Variants in EPHX4 observed in about 807,000 individuals in gnomAD.
The protein encoded by EPHX4 is abhydrolase domain containing 7.
Under a neutral mutation model 44.9 loss-of-function variants are expected in EPHX4, and 31 were observed. The ratio of observed to expected loss-of-function variants is 0.69; its 90% CI spans 0.52 to 0.93. EPHX4 has a LOEUF of 0.93. Among genes scored for constraint, EPHX4 ranks in the 40% least tolerant of loss-of-function variants. The probability of loss-of-function intolerance (pLI) is 0.00; values close to 1 mark genes in which losing one functional copy is unlikely to be tolerated. For missense variants in EPHX4, 373 were observed against 438.1 expected (o/e 0.85, Z 1.33); for synonymous variants, 151 against 159.7 (o/e 0.95, Z 0.41).
chr1:92,032,103 G>A (rs1192675401), intron 1 of EPHX4, among the ~76,000 whole-genome samples: 1 of 152,188 alleles, frequency 6.6e-6, no homozygotes, highest in Non-Finnish European at 1.5e-5. Flanking sequence ...ATGTCCTGCA[G>A]CATTTGAGGG....
At position 92,042,834 on chromosome 1, in the gene EPHX4, G is replaced by C; in HGVS notation, c.329G>C (p.Arg110Pro). The C allele has an allele frequency of 6.2e-7, 1 of 1,610,450 alleles. No homozygotes were observed. The highest frequency in any genetic ancestry group is 1.1e-5 in the South Asian group (1 of 89,990). ...HGFPEFWYSW[R>P]YQLREFKSEY... ...CTTTTTTCCTGCAGGTATTCTTGGC[G>C]TTACCAACTGAGAGAATTTAAAAGT... Residue 110 changes from arginine to proline, a missense_variant, in exon 3 of 7, where the codon CGT becomes CCT. Transcript: ENST00000370383.
intron 2 of EPHX4, among the ~76,000 whole-genome samples, chr1:92,035,830 A>C (rs1570687910): frequency 6.6e-6 from 1 of 152,118 alleles, no homozygotes; most frequent in Admixed American, 6.5e-5. Context: ...TTTGTAAGTG[A>C]CTTATATATA....
At chr1:92,032,699 C>A (rs1326640247) in intron 2 of EPHX4, 109 bp downstream of exon 2, 3 of 958,098 alleles carry the variant, frequency 3.1e-6, no homozygotes, top group South Asian at 2.9e-5. Context: ...TTAAAATGAA[C>A]ATAAATGATT....
intron 2 of EPHX4, among the ~76,000 whole-genome samples, chr1:92,033,637 A>C (rs1688393191): frequency 6.6e-6 from 1 of 152,234 alleles, no homozygotes; most frequent in Non-Finnish European, 1.5e-5. Flanking sequence ...ATTTCTCATT[A>C]GGAAGAAAAT....
intron 6 of EPHX4, among the ~76,000 whole-genome samples, chr1:92,062,805 T>A (rs1647527451): frequency 6.6e-6 from 1 of 152,060 alleles, no homozygotes; most frequent in South Asian, 2.1e-4. Flanking sequence ...CTAAGGAGCC[T>A]TTTTAGACTT....
chr1:92,055,103 T>G (rs1316254835), intron 6 of EPHX4, among the ~76,000 whole-genome samples: 1 of 151,826 alleles, frequency 6.6e-6, no homozygotes, highest in African/African-American at 2.4e-5. Flanking sequence ...ATAAAAAAAT[T>G]TAAAACTATC....
At chr1:92,057,719 C>A (rs1481119052) in intron 6 of EPHX4, among the ~76,000 whole-genome samples, 4 of 151,978 alleles carry the variant, frequency 2.6e-5, no homozygotes, top group African/African-American at 9.7e-5. Context: ...GCTGCCTCAG[C>A]CTCCCGAGTA....
intron 4 of EPHX4, among the ~76,000 whole-genome samples, chr1:92,047,634 G>T (rs1688600398): frequency 6.6e-6 from 1 of 152,164 alleles, no homozygotes; most frequent in African/African-American, 2.4e-5. Flanking sequence ...TTAATTAAAT[G>T]TAATTAATTA....
intron 6 of EPHX4, among the ~76,000 whole-genome samples, chr1:92,053,608 T>C (rs1389394833): frequency 6.6e-6 from 1 of 151,810 alleles, no homozygotes; most frequent in Non-Finnish European, 1.5e-5. Flanking sequence ...CTGAAAACAG[T>C]GGAGATGGAG....
At position 92,042,832 on chromosome 1, in the gene EPHX4, G is replaced by T. The variant is rs1477924948; in HGVS notation, c.327G>T (p.Trp109Cys). Reference protein sequence around the residue: ...LHGFPEFWYSWRYQLREFKSE... With the variant: ...LHGFPEFWYSCRYQLREFKSE... ...TCCTTTTTTCCTGCAGGTATTCTTG[G>T]CGTTACCAACTGAGAGAATTTAAAA... is the stretch of plus-strand genomic sequence containing the variant. The change falls in exon 3 of 7, where the codon TGG becomes TGT. Residue 109 changes from tryptophan to cysteine, a missense_variant. Coordinates refer to ENST00000370383, the MANE Select transcript of EPHX4 (RefSeq NM_173567.5). 6.2e-7 allele frequency: 1 copy of T among 1,610,716 alleles called. No homozygotes were observed. The highest frequency in any genetic ancestry group is 2.2e-5 in the East Asian group (1 of 44,796).
At chr1:92,055,738 G>T (rs1647353169) in intron 6 of EPHX4, among the ~76,000 whole-genome samples, 1 of 152,028 alleles carries the variant, frequency 6.6e-6, no homozygotes, top group Non-Finnish European at 1.5e-5. Context: ...TTTCAAACAA[G>T]TCTTTTTTTA....
intron 2 of EPHX4, among the ~76,000 whole-genome samples, chr1:92,033,932 G>A (rs1688397872): frequency 6.8e-6 from 1 of 148,122 alleles, no homozygotes; most frequent in Admixed American, 6.8e-5. Flanking sequence ...CTAAGGGGAA[G>A]TGTTCTGTTC....
chr1:92,039,933 C>T (rs555641940), intron 2 of EPHX4, among the ~76,000 whole-genome samples: 30 of 152,240 alleles, frequency 2.0e-4, no homozygotes, highest in African/African-American at 6.7e-4. Flanking sequence ...GGATTACAGG[C>T]GTGAGCCACT....
Position 92,045,577 on chromosome 1 carries a change from T to G in EPHX4, c.521T>G (p.Ile174Ser). The G allele has an allele frequency of 2.5e-6, 4 of 1,614,122 alleles. No homozygotes were observed. The highest frequency in any genetic ancestry group is 3.4e-6 in the Non-Finnish European group (4 of 1,179,984). The change falls in exon 4 of 7, where the codon ATT becomes AGT. Residue 174 changes from isoleucine to serine, a missense_variant. By Grantham distance (142) the Ile-to-Ser change is moderately radical. Transcript: ENST00000370383. ...ATTGGCCATGACTGGGGGGGCATGA[T>G]TGCTTGGCTAATTGCCATCTGTTAT... ...VLIGHDWGGM[I>S]AWLIAICYPE...
At position 92,052,544 on chromosome 1, in the gene EPHX4, G is replaced by A. The variant is rs747257900; in HGVS notation, c.743G>A (p.Gly248Asp). The change falls in exon 6 of 7, where the codon GGC becomes GAC. Residue 248 changes from glycine (G) to aspartate (D), a missense_variant. Coordinates refer to ENST00000370383, the MANE Select transcript of EPHX4 (RefSeq NM_173567.5). ...CATCTGTTTACCAGTCACAGCACTG[G>A]CATTGGAAGAAAAGGATGCCAATTA... ...LKHLFTSHST[G>D]IGRKGCQLTT... The A allele has an allele frequency of 3.0e-5, 48 of 1,610,936 alleles. No homozygotes were observed. The highest frequency in any genetic ancestry group is 4.1e-5 in the Non-Finnish European group (48 of 1,178,918).
At chr1:92,041,148 G>A (rs1354948144) in intron 2 of EPHX4, among the ~76,000 whole-genome samples, 1 of 152,080 alleles carries the variant, frequency 6.6e-6, no homozygotes, top group Non-Finnish European at 1.5e-5. Context: ...TGATCAAGCA[G>A]AGGGGGAATG....
chr1:92,050,623 A>G (rs1647232089), intron 5 of EPHX4, among the ~76,000 whole-genome samples: 2 of 152,038 alleles, frequency 1.3e-5, no homozygotes, highest in African/African-American at 4.8e-5. Flanking sequence ...AAATTTTTGT[A>G]AGACTGTGCC....
At chr1:92,054,525 T>A in intron 6 of EPHX4, among the ~76,000 whole-genome samples, 1 of 150,344 alleles carries the variant, frequency 6.7e-6, no homozygotes. Flanking sequence ...GAGGCGGCGG[T>A]TGCAGTGAAC....
chr1:92,035,021 T>C (rs1385529966), intron 2 of EPHX4, among the ~76,000 whole-genome samples: 1 of 152,194 alleles, frequency 6.6e-6, no homozygotes, highest in Non-Finnish European at 1.5e-5. Flanking sequence ...TAGGAGGTAT[T>C]AGGCATTGAA....
Sources: gnomAD v4.1 joint callset for allele counts (sites outside exome capture counted in the v4.1 genomes callset) on GRCh38, gnomAD v4.1.1 for gene constraint, MANE v1.5 for transcripts, NCBI Gene and HGNC (gene_info 2026-07-23, HGNC 2026-07-21) for gene names.